Variants in ANKS1B observed in about 807,000 individuals in gnomAD.
ANKS1B encodes ankyrin repeat and sterile alpha motif domain containing 1B.
ANKS1B carries 36 observed loss-of-function variants against 148.3 expected under a neutral mutation model. That is an observed-to-expected ratio of 0.24 (90% CI 0.19 to 0.32). The LOEUF is 0.32. ANKS1B is among the 10% of genes least tolerant of loss of function. The pLI is 1.00. For missense variants in ANKS1B, 1,157 were observed against 1,542.6 expected (o/e 0.75, Z 4.19); for synonymous variants, 542 against 560.8 (o/e 0.97, Z 0.47).
Position 99,648,744 on chromosome 12 carries a change from C to A in ANKS1B, c.1272+6323G>T. On this transcript the variant is annotated intron_variant, in intron 9 of 26. Coordinates refer to ENST00000683438, the MANE Select transcript of ANKS1B (RefSeq NM_001352186.2). ...ATACCAGGGCTATCCTAGCTGGGAACACATTGGACTCATCTGTGTTGGAGG... is the reference window on the plus strand; with the variant it reads ...ATACCAGGGCTATCCTAGCTGGGAAAACATTGGACTCATCTGTGTTGGAGG... The A allele has an allele frequency of 1.9e-6, 3 of 1,613,726 alleles. No homozygotes were observed. The South Asian group carries it at 3.3e-5, about 18-fold the overall frequency.
At chr12:98,894,206 G>C (rs1443068140) in intron 17 of ANKS1B, among the ~76,000 whole-genome samples, 1 of 152,128 alleles carries the variant, frequency 6.6e-6, no homozygotes, top group Non-Finnish European at 1.5e-5. Flanking sequence ...CCTTAAAGGC[G>C]ATGCACAGCG....
At chr12:99,183,322 T>C (rs973563193) in intron 14 of ANKS1B, among the ~76,000 whole-genome samples, 6 of 152,142 alleles carry the variant, frequency 3.9e-5, no homozygotes, top group Non-Finnish European at 8.8e-5. Flanking sequence ...AGAAATTCCA[T>C]CAGATAACAA....
chr12:99,233,373 T>C (rs1286053682), intron 14 of ANKS1B, among the ~76,000 whole-genome samples: 1 of 152,056 alleles, frequency 6.6e-6, no homozygotes, highest in Non-Finnish European at 1.5e-5. Context: ...ATTGCAAAAC[T>C]GGGACTTGAG....
intron 26 of ANKS1B, among the ~76,000 whole-genome samples, chr12:98,747,958 G>A (rs1350879253): frequency 6.6e-6 from 1 of 152,216 alleles, no homozygotes; most frequent in East Asian, 1.9e-4. Flanking sequence ...GTGAAGAAGG[G>A]AGAGTAGGGA....
intron 21 of ANKS1B, among the ~76,000 whole-genome samples, chr12:98,800,096 G>T (rs1402695557): frequency 3.9e-5 from 6 of 151,900 alleles, no homozygotes; most frequent in Non-Finnish European, 8.8e-5. Context: ...AAAGGCTTGG[G>T]GACTTGGGGT....
At chr12:99,842,074 AT>A (rs1334215357) in intron 1 of ANKS1B, among the ~76,000 whole-genome samples, 26 of 152,100 alleles carry the variant, frequency 1.7e-4, no homozygotes, top group African/African-American at 6.3e-4. Context: ...ATTCTTTCTT[AT>A]TCAAAGGTAA....
chr12:98,863,960 G>C (rs2099612172), intron 17 of ANKS1B, among the ~76,000 whole-genome samples: 1 of 152,160 alleles, frequency 6.6e-6, no homozygotes, highest in East Asian at 1.9e-4. Flanking sequence ...ATAAACACGA[G>C]TTTATATTCC....
chr12:98,878,469 G>T (rs2099697631), intron 17 of ANKS1B, among the ~76,000 whole-genome samples: 1 of 152,154 alleles, frequency 6.6e-6, no homozygotes. Context: ...TATTATTACT[G>T]CCCATCTGGT....
intron 9 of ANKS1B, among the ~76,000 whole-genome samples, chr12:99,544,901 G>C (rs2097158939): frequency 1.3e-5 from 2 of 152,118 alleles, no homozygotes; most frequent in Non-Finnish European, 2.9e-5. Flanking sequence ...AGTGCCTGCT[G>C]TTTTAACTCT....
intron 14 of ANKS1B, among the ~76,000 whole-genome samples, chr12:99,173,292 T>C (rs868230769): frequency 1.3e-5 from 2 of 152,240 alleles, no homozygotes; most frequent in African/African-American, 4.8e-5. Context: ...GCCAGAAAAA[T>C]GTCTCAACCT....
In ANKS1B at chr12:99,574,254, C is replaced by T. The variant is rs114406779; in HGVS notation, c.1273-69613G>A. ...TTTCACTCCTTTACTGTATTGTTCCCGAGAGCACTTCCCAATAAATCACCT... is the reference window on the plus strand; with the variant it reads ...TTTCACTCCTTTACTGTATTGTTCCTGAGAGCACTTCCCAATAAATCACCT... On this transcript the variant is annotated intron_variant, in intron 9 of 26. Transcript: ENST00000683438. Among the ~76,000 whole-genome samples, 1,344 of 152,140 alleles carry T rather than the reference C, an allele frequency of 8.8e-3. 12 individuals are homozygous for T. Among genetic ancestry groups the T allele is most frequent in the African/African-American group, 0.031 (1,284 of 41,500 alleles).
chr12:98,997,258 G>GGT (rs1344920265), intron 17 of ANKS1B, among the ~76,000 whole-genome samples: 1 of 152,112 alleles, frequency 6.6e-6, no homozygotes, highest in Non-Finnish European at 1.5e-5. Flanking sequence ...GGATTGGGCA[G>GGT]GTAGAAGGCA....
intron 17 of ANKS1B, among the ~76,000 whole-genome samples, chr12:98,936,195 C>G (rs528860899): frequency 1.8e-4 from 28 of 152,246 alleles, no homozygotes; most frequent in African/African-American, 6.5e-4. Flanking sequence ...TTATCTAACC[C>G]CACTTCACTG....
intron 10 of ANKS1B, among the ~76,000 whole-genome samples, chr12:99,453,531 T>G (rs2095794690): frequency 6.6e-6 from 1 of 152,146 alleles, no homozygotes; most frequent in African/African-American, 2.4e-5. Context: ...AGCCACGAGT[T>G]AGCTTGGAAG....
chr12:99,041,855 TAGTC>T (rs1380829584), intron 17 of ANKS1B, among the ~76,000 whole-genome samples: 1 of 151,772 alleles, frequency 6.6e-6, no homozygotes, highest in African/African-American at 2.4e-5. Context: ...AAAAATAAAT[TAGTC>T]AGGTGTGGTG....
intron 17 of ANKS1B, among the ~76,000 whole-genome samples, chr12:98,908,938 G>A (rs958953408): frequency 6.6e-6 from 1 of 152,226 alleles, no homozygotes; most frequent in African/African-American, 2.4e-5. Context: ...AGTAAAGGCT[G>A]TGTAGCTGAC....
chr12:99,947,189 T>C (rs2095085634), intron 1 of ANKS1B, among the ~76,000 whole-genome samples: 1 of 149,278 alleles, frequency 6.7e-6, no homozygotes, highest in South Asian at 2.1e-4. Context: ...ACTCTGATAC[T>C]GGTCAGCAAG....
At chr12:99,612,142 A>G (rs905819213) in intron 9 of ANKS1B, among the ~76,000 whole-genome samples, 5 of 152,144 alleles carry the variant, frequency 3.3e-5, no homozygotes, top group African/African-American at 9.7e-5. Context: ...TTAAGCCCCA[A>G]GCAATGCAAA....
rs573238312 is a variant in ANKS1B at position 99,053,238 on chromosome 12, G to A, written c.2697C>T (p.Gly899=). The change falls in exon 17 of 27, where the codon GGC becomes GGT. Residue 899 remains glycine, a synonymous_variant. Coordinates refer to ENST00000683438, the MANE Select transcript of ANKS1B (RefSeq NM_001352186.2). ...TAATTAGAAAGGCTTTGGTGTAGTC[G>A]CCCAGTTCAATGGAATCCAGCCACT... The part of the protein sequence containing the change: ...VAEWLDSIEL[G]DYTKAFLING... The A allele has an allele frequency of 2.1e-5, 34 of 1,611,002 alleles. 1 individual carries two copies. In the South Asian group the frequency reaches 2.8e-4, roughly 13 times the overall value.
Sources: allele counts gnomAD v4.1 joint callset (sites outside exome capture counted in the v4.1 genomes callset), GRCh38; gene constraint gnomAD v4.1.1; transcripts MANE v1.5; gene names NCBI Gene and HGNC (gene_info 2026-07-23, HGNC 2026-07-21).